Variants in LRBA observed in about 807,000 individuals in gnomAD.
LRBA encodes LPS responsive beige-like anchor protein.
A neutral mutation model predicts 330.0 loss-of-function variants in LRBA; 176 were observed. That is an observed-to-expected ratio of 0.53 (90% CI 0.47 to 0.60). The LOEUF (loss-of-function observed/expected upper bound fraction) is 0.60. Among genes scored for constraint, LRBA ranks in the 20% least tolerant of loss-of-function variants. The pLI, the probability that LRBA is intolerant of heterozygous loss-of-function variation, is 0.00. For missense variants in LRBA, 3,259 were observed against 3,444.8 expected (o/e 0.95, Z 1.35); for synonymous variants, 1,230 against 1,193.0 (o/e 1.03, Z -0.64).
intron 34 of LRBA, among the ~76,000 whole-genome samples, chr4:150,775,940 A>AG (rs1402407042): frequency 6.6e-6 from 1 of 151,788 alleles, no homozygotes; most frequent in Non-Finnish European, 1.5e-5. Flanking sequence ...AAAAGAGGGG[A>AG]GAAAAAAAAG....
chr4:150,831,557 A>C (rs979960756), intron 29 of LRBA, among the ~76,000 whole-genome samples: 1 of 152,222 alleles, frequency 6.6e-6, no homozygotes, highest in African/African-American at 2.4e-5. Flanking sequence ...AAATGAAGTC[A>C]ATAAAATTTT....
intron 38 of LRBA, among the ~76,000 whole-genome samples, chr4:150,595,644 A>G (rs1773405900): frequency 1.3e-5 from 2 of 151,968 alleles, no homozygotes; most frequent in Admixed American, 6.6e-5. Context: ...ATTTAAATAT[A>G]AAATTCCCGT....
At chr4:150,857,011 C>T (rs1010655081) in intron 22 of LRBA, among the ~76,000 whole-genome samples, 1 of 151,956 alleles carries the variant, frequency 6.6e-6, no homozygotes, top group Non-Finnish European at 1.5e-5. Context: ...ACATTAAAAC[C>T]GTATAACCTG....
rs564563652 is a variant in LRBA at position 150,787,721 on chromosome 4, C to T, written c.5580+10360G>A. On this transcript the variant is annotated intron_variant, in intron 34 of 56. Coordinates refer to ENST00000651943, the MANE Select transcript of LRBA (RefSeq NM_001364905.1). Reference sequence around the variant, plus strand: ...AAATGTACAATTGAATTATTATTGACCATAGTCACACTCTTGTGCTATCAA... The same window carrying T: ...AAATGTACAATTGAATTATTATTGATCATAGTCACACTCTTGTGCTATCAA... 6.6e-5 allele frequency among the ~76,000 whole-genome samples: 10 copies of T among 152,202 alleles called. No individual in the cohort carries two copies. In the South Asian group the frequency reaches 1.9e-3, roughly 28 times the overall value.
intron 37 of LRBA, among the ~76,000 whole-genome samples, chr4:150,648,585 A>G (rs1779422044): frequency 6.6e-6 from 1 of 151,278 alleles, no homozygotes; most frequent in South Asian, 2.1e-4. Context: ...TTACCCCAGA[A>G]AGGATAGAGT....
intron 53 of LRBA, among the ~76,000 whole-genome samples, chr4:150,296,324 A>G (rs1432874502): frequency 1.3e-5 from 2 of 152,194 alleles, no homozygotes; most frequent in African/African-American, 4.8e-5. Context: ...TACAAGAATG[A>G]AAGCTTAAAA....
intron 2 of LRBA, among the ~76,000 whole-genome samples, chr4:151,009,349 G>C (rs1359296326): frequency 6.6e-6 from 1 of 151,792 alleles, no homozygotes; most frequent in African/African-American, 2.4e-5. Flanking sequence ...AGGAGTTTGA[G>C]ACCAGCCTGG....
chr4:150,543,121 C>T (rs1435904489), intron 40 of LRBA, among the ~76,000 whole-genome samples: 1 of 152,162 alleles, frequency 6.6e-6, no homozygotes, highest in Non-Finnish European at 1.5e-5. Flanking sequence ...TAATTTCATT[C>T]AAACTTCCTC....
intron 56 of LRBA, among the ~76,000 whole-genome samples, chr4:150,276,447 G>T (rs1746770354): frequency 6.6e-6 from 1 of 151,774 alleles, no homozygotes; most frequent in African/African-American, 2.4e-5. Flanking sequence ...TCTAATTAAA[G>T]AGCTTCTGCA....
intron 46 of LRBA, chr4:150,423,464 T>C: frequency 1.7e-6 from 1 of 578,218 alleles, no homozygotes; most frequent in Non-Finnish European, 3.1e-6. Context: ...GCCCCATTTC[T>C]TCATCTGGAT....
chr4:150,566,252 T>C (rs1283932795), intron 40 of LRBA, among the ~76,000 whole-genome samples: 1 of 152,082 alleles, frequency 6.6e-6, no homozygotes, highest in Non-Finnish European at 1.5e-5. Context: ...TTAAAAATCA[T>C]AGCATGGAAA....
chr4:150,352,638 T>C (rs1389174604), intron 47 of LRBA, among the ~76,000 whole-genome samples: 2 of 152,212 alleles, frequency 1.3e-5, no homozygotes, highest in African/African-American at 2.4e-5. Context: ...GTGATAACTT[T>C]AAGTAAATGC....
At chr4:150,678,006 G>A (rs143723814) in intron 37 of LRBA, among the ~76,000 whole-genome samples, 2,002 of 152,034 alleles carry the variant, frequency 0.013, 16 homozygotes, top group Middle Eastern at 0.027. Flanking sequence ...TTGGGAGGCC[G>A]AGGTGGGCAG....
At chr4:150,842,058 G>T (rs780259145) in intron 28 of LRBA, among the ~76,000 whole-genome samples, 4 of 152,112 alleles carry the variant, frequency 2.6e-5, no homozygotes, top group Non-Finnish European at 1.5e-5. Context: ...CCTATAAGGT[G>T]ATTATATAAC....
intron 53 of LRBA, among the ~76,000 whole-genome samples, chr4:150,296,174 T>TA (rs1323498989): frequency 2.6e-5 from 4 of 152,290 alleles, no homozygotes; most frequent in Non-Finnish European, 5.9e-5. Flanking sequence ...TTAACATTTT[T>TA]AATGTTCTTT....
intron 36 of LRBA, among the ~76,000 whole-genome samples, chr4:150,717,068 C>A (rs1267116726): frequency 6.6e-6 from 1 of 152,192 alleles, no homozygotes; most frequent in Non-Finnish European, 1.5e-5. Flanking sequence ...CCAGTTTATA[C>A]TGGGTATCAG....
chr4:150,345,986 G>A (rs1020045667), intron 48 of LRBA, among the ~76,000 whole-genome samples: 1 of 152,016 alleles, frequency 6.6e-6, no homozygotes, highest in Non-Finnish European at 1.5e-5. Context: ...TTTTAAATTT[G>A]TTGTGGAGAT....
chr4:150,396,858 C>T (rs1259870054), intron 47 of LRBA, among the ~76,000 whole-genome samples: 2 of 152,080 alleles, frequency 1.3e-5, no homozygotes, highest in African/African-American at 2.4e-5. Context: ...AACACTCACA[C>T]ACATAAACAT....
chr4:150,380,897 AC>A (rs1742120927), intron 47 of LRBA, among the ~76,000 whole-genome samples: 1 of 148,604 alleles, frequency 6.7e-6, no homozygotes, highest in Non-Finnish European at 1.5e-5. Context: ...CAGGAGAATC[AC>A]TTGAACTGGG....
Sources: allele counts gnomAD v4.1 joint callset (sites outside exome capture counted in the v4.1 genomes callset), GRCh38; gene constraint gnomAD v4.1.1; transcripts MANE v1.5; gene names NCBI Gene and HGNC (gene_info 2026-07-23, HGNC 2026-07-21).